The following CDH9 variants were observed in gnomAD, a reference collection of about 807,000 sequenced individuals.
The protein encoded by CDH9 is cadherin-9.
In CDH9, 28 loss-of-function variants were observed where a neutral mutation model predicts 70.9. The observed-to-expected ratio is 0.40, with a 90% CI of 0.29 to 0.54. The LOEUF is 0.54. Among genes scored for constraint, CDH9 ranks in the 20% least tolerant of loss-of-function variants. The pLI, the probability that CDH9 is intolerant of heterozygous loss-of-function variation, is 0.59. For synonymous variants in CDH9, 409 were observed against 343.1 expected (o/e 1.19, Z -2.12); for missense variants, 874 against 984.4 (o/e 0.89, Z 1.50).
Position 26,905,790 on chromosome 5 carries a change from T to C in CDH9, c.811+169A>G, listed in dbSNP as rs114639867. Reference sequence around the variant, plus strand: ...AAATGATGAAAATAATCACCATCACTCTCTATTTGTGGGAAATTGTGTTTT... The same window carrying C: ...AAATGATGAAAATAATCACCATCACCCTCTATTTGTGGGAAATTGTGTTTT... On this transcript the variant is annotated intron_variant, in intron 5 of 11. Transcript: ENST00000231021. Among the ~76,000 whole-genome samples the C allele has an allele frequency of 3.2e-3, 441 of 136,586 alleles. 2 individuals are homozygous for C. The highest frequency in any genetic ancestry group is 0.011 in the African/African-American group (409 of 35,860). 89.6% of individuals were successfully genotyped at this position (136,586 alleles called of 152,430 possible). A position where few individuals can be genotyped will look rare whatever the true frequency, so the allele number is the denominator to read the frequency against.
intron 1 of CDH9, among the ~76,000 whole-genome samples, chr5:27,021,742 G>C (rs897002992): frequency 2.0e-5 from 3 of 151,812 alleles, no homozygotes; most frequent in East Asian, 1.9e-4. Context: ...ATAAATAAAG[G>C]TTCATTGCTA....
intron 1 of CDH9, among the ~76,000 whole-genome samples, chr5:27,002,827 G>C (rs1211489419): frequency 6.6e-6 from 1 of 151,972 alleles, no homozygotes; most frequent in Non-Finnish European, 1.5e-5. Flanking sequence ...TAAATGATGA[G>C]TTACTGGGTG....
intron 1 of CDH9, among the ~76,000 whole-genome samples, chr5:27,006,944 G>T (rs1742874336): frequency 6.6e-6 from 1 of 152,018 alleles, no homozygotes; most frequent in Admixed American, 6.6e-5. Context: ...CAGAGAGTTT[G>T]TGACACATCC....
At chr5:26,950,964 T>C (rs575343082) in intron 2 of CDH9, among the ~76,000 whole-genome samples, 34 of 152,250 alleles carry the variant, frequency 2.2e-4, no homozygotes, top group Non-Finnish European at 4.0e-4. Context: ...ACAGTTGTTA[T>C]CTTGTGCATT....
At chr5:26,932,579 T>C (rs1393528484) in intron 2 of CDH9, among the ~76,000 whole-genome samples, 1 of 152,130 alleles carries the variant, frequency 6.6e-6, no homozygotes, top group East Asian at 1.9e-4. Flanking sequence ...TAATTTTCCT[T>C]GTTCTATCTT....
intron 5 of CDH9, among the ~76,000 whole-genome samples, chr5:26,905,304 G>A (rs1015289702): frequency 1.3e-5 from 2 of 152,132 alleles, no homozygotes; most frequent in African/African-American, 4.8e-5. Flanking sequence ...GGTGACAACT[G>A]AAAGAGTGTT....
chr5:26,982,609 GT>G, intron 2 of CDH9, among the ~76,000 whole-genome samples: 1 of 152,154 alleles, frequency 6.6e-6, no homozygotes, highest in Non-Finnish European at 1.5e-5. Context: ...AAGCCCAAAT[GT>G]CACAGAAACT....
At chr5:26,898,641 C>T (rs1383283893) in intron 7 of CDH9, among the ~76,000 whole-genome samples, 3 of 152,152 alleles carry the variant, frequency 2.0e-5, no homozygotes, top group African/African-American at 7.2e-5. Context: ...AATCTAGATC[C>T]TTTCCTTACA....
In CDH9 at chr5:27,038,449, T is replaced by C. The variant is rs1474200387; in HGVS notation, c.-50+14A>G. The stretch of plus-strand genomic sequence containing the variant: ...GAATAGCTTACATTGTCAAGCAAAG[T>C]AAATAACACTTACCTTGCTTAACAA... On this transcript the variant is annotated intron_variant, in intron 1 of 11. Transcript: ENST00000231021. The C allele has an allele frequency of 3.9e-5, 6 of 151,954 alleles. No individual in the cohort carries two copies. The highest frequency in any genetic ancestry group is 1.4e-4 in the African/African-American group (6 of 41,412). The allele number at this position is 151,954 out of a possible 1,614,324, so 9.4% of individuals were successfully genotyped here.
intron 11 of CDH9, among the ~76,000 whole-genome samples, chr5:26,883,226 T>G (rs1358496516): frequency 6.6e-6 from 1 of 150,698 alleles, no homozygotes. Context: ...CTTTCTAAAT[T>G]TAATATTAAA....
At position 26,881,499 on chromosome 5, in the gene CDH9, G is replaced by T. The variant is rs1164853035; in HGVS notation, c.2007C>A (p.Thr669=). Residue 669 remains threonine (T), a synonymous_variant, in exon 12 of 12, where the codon ACC becomes ACA. Transcript: ENST00000231021. ...YNDEGGGEED[T]QAFDIGTLRN... is the part of the protein sequence containing the mutation. ...TTAATGTGCCAATGTCAAAAGCTTG[G>T]GTATCTTCTTCCCCGCCGCCTTCAT... is the stretch of plus-strand genomic sequence containing the variant. 1 of 1,613,542 alleles carries T rather than the reference G, an allele frequency of 6.2e-7. No homozygotes were observed. The highest frequency in any genetic ancestry group is 8.5e-7 in the Non-Finnish European group (1 of 1,179,816).
At chr5:26,953,116 A>AT in intron 2 of CDH9, among the ~76,000 whole-genome samples, 1 of 152,140 alleles carries the variant, frequency 6.6e-6, no homozygotes, top group South Asian at 2.1e-4. Flanking sequence ...ATTCTGGAAC[A>AT]TTTTTCTCTA....
chr5:26,958,303 T>A (rs1042143841), intron 2 of CDH9, among the ~76,000 whole-genome samples: 1 of 152,128 alleles, frequency 6.6e-6, no homozygotes, highest in Non-Finnish European at 1.5e-5. Context: ...CAAACCAACA[T>A]TGTGAAAGAG....
At chr5:26,967,181 T>G (rs892835509) in intron 2 of CDH9, among the ~76,000 whole-genome samples, 1 of 152,134 alleles carries the variant, frequency 6.6e-6, no homozygotes, top group Admixed American at 6.6e-5. Context: ...CTTAAACTGC[T>G]AGGCTCAGGT....
At chr5:26,933,129 A>G (rs1000699932) in intron 2 of CDH9, among the ~76,000 whole-genome samples, 7 of 147,474 alleles carry the variant, frequency 4.7e-5, no homozygotes, top group Admixed American at 4.1e-4. Context: ...AAATATAAAT[A>G]TAGTTATATT....
chr5:26,964,524 T>G (rs1379389876), intron 2 of CDH9, among the ~76,000 whole-genome samples: 1 of 152,194 alleles, frequency 6.6e-6, no homozygotes, highest in Admixed American at 6.5e-5. Context: ...CCAACCTATA[T>G]GCAGTTTGTA....
At chr5:26,938,448 A>G (rs1354086007) in intron 2 of CDH9, among the ~76,000 whole-genome samples, 2 of 152,008 alleles carry the variant, frequency 1.3e-5, no homozygotes, top group African/African-American at 4.8e-5. Flanking sequence ...TGGAAATCTC[A>G]GGATAGGATA....
At chr5:26,930,623 A>T (rs1741425734) in intron 2 of CDH9, among the ~76,000 whole-genome samples, 1 of 152,130 alleles carries the variant, frequency 6.6e-6, no homozygotes, top group Non-Finnish European at 1.5e-5. Context: ...GTTTACTAAC[A>T]TCATGGTGGT....
intron 1 of CDH9, among the ~76,000 whole-genome samples, chr5:27,019,716 C>T (rs1471960975): frequency 2.6e-5 from 4 of 151,764 alleles, no homozygotes; most frequent in East Asian, 1.9e-4. Flanking sequence ...TTATGAAATA[C>T]GTAAATAAGT....
Sources: gnomAD v4.1 joint callset for allele counts (sites outside exome capture counted in the v4.1 genomes callset) on GRCh38, gnomAD v4.1.1 for gene constraint, MANE v1.5 for transcripts, NCBI Gene and HGNC (gene_info 2026-07-23, HGNC 2026-07-21) for gene names.